Variants in UBAC2 observed in about 807,000 individuals in gnomAD.
UBAC2 encodes the protein UBA domain containing 2.
Under a neutral mutation model 44.0 loss-of-function variants are expected in UBAC2, and 26 were observed. That is an observed-to-expected ratio of 0.59 (90% CI 0.43 to 0.82). The LOEUF is 0.82. UBAC2 is among the 40% of genes least tolerant of loss of function. UBAC2 has a pLI of 0.00. For synonymous variants in UBAC2, 155 were observed against 154.3 expected (o/e 1.00, Z -0.04); for missense variants, 329 against 419.4 (o/e 0.78, Z 1.88).
At chr13:99,241,024 C>T (rs921155743) in intron 2 of UBAC2, among the ~76,000 whole-genome samples, 9 of 152,182 alleles carry the variant, frequency 5.9e-5, no homozygotes, top group African/African-American at 2.2e-4. Flanking sequence ...CCTTGGGAGG[C>T]CAACGTTTGT....
chr13:99,300,230 G>A (rs1344480192), intron 4 of UBAC2, among the ~76,000 whole-genome samples: 4 of 152,210 alleles, frequency 2.6e-5, no homozygotes, highest in Non-Finnish European at 4.4e-5. Context: ...CTTAACTGAC[G>A]ACCGTTGTGC....
At chr13:99,210,458 C>T (rs984313137) in intron 1 of UBAC2, among the ~76,000 whole-genome samples, 4 of 148,598 alleles carry the variant, frequency 2.7e-5, no homozygotes, top group Admixed American at 6.9e-5. Context: ...GTATATGCTC[C>T]GCTTTTTTCT....
chr13:99,335,501 T>C (rs1050707314), intron 6 of UBAC2, among the ~76,000 whole-genome samples: 5 of 152,198 alleles, frequency 3.3e-5, no homozygotes, highest in African/African-American at 7.2e-5. Context: ...AAAGACTGCT[T>C]TCTGTGATTC....
intron 6 of UBAC2, among the ~76,000 whole-genome samples, chr13:99,336,660 T>C (rs1002106705): frequency 1.6e-4 from 24 of 152,306 alleles, no homozygotes; most frequent in African/African-American, 5.8e-4. Flanking sequence ...TAACCCTAGA[T>C]AAAGACCACA....
At chr13:99,359,477 C>G (rs1185182054) in intron 7 of UBAC2, among the ~76,000 whole-genome samples, 5 of 152,072 alleles carry the variant, frequency 3.3e-5, no homozygotes, top group African/African-American at 4.8e-5. Flanking sequence ...GTAGGTCATC[C>G]CCTTTGTCAG....
At chr13:99,223,187 T>G (rs969763687) in intron 1 of UBAC2, among the ~76,000 whole-genome samples, 1 of 152,304 alleles carries the variant, frequency 6.6e-6, no homozygotes, top group Middle Eastern at 3.4e-3. Context: ...ATTTTAGTAG[T>G]GATAAGAAAT....
chr13:99,214,984 T>C (rs2042975185), intron 1 of UBAC2, among the ~76,000 whole-genome samples: 1 of 151,938 alleles, frequency 6.6e-6, no homozygotes, highest in Non-Finnish European at 1.5e-5. Context: ...TTCTTTTCTT[T>C]TTGTTTTTTT....
intron 5 of UBAC2, 60 bp downstream of exon 5, chr13:99,314,280 T>TTG (rs2044456635): frequency 1.4e-6 from 2 of 1,441,644 alleles, no homozygotes; most frequent in Non-Finnish European, 9.3e-7. Flanking sequence ...TTTTTTTTTT[T>TTG]GGTCTTTTTC....
intron 4 of UBAC2, among the ~76,000 whole-genome samples, chr13:99,266,212 C>T (rs11620194): frequency 0.16 from 23,771 of 151,080 alleles, 2,239 homozygotes; most frequent in Middle Eastern, 0.22. Flanking sequence ...TATTATATTA[C>T]ATAATACTAT....
At chr13:99,381,056 TGA>T (rs1487471444) in intron 8 of UBAC2, among the ~76,000 whole-genome samples, 6 of 152,384 alleles carry the variant, frequency 3.9e-5, no homozygotes, top group African/African-American at 1.2e-4. Flanking sequence ...CGTTCATGTC[TGA>T]GAGAATGAAC....
chr13:99,221,796 T>G (rs2043054867), intron 1 of UBAC2, among the ~76,000 whole-genome samples: 1 of 152,166 alleles, frequency 6.6e-6, no homozygotes, highest in Admixed American at 6.5e-5. Flanking sequence ...TACTTGACAG[T>G]GCCCTTCTTT....
At chr13:99,224,135 G>C (rs967977655) in intron 1 of UBAC2, among the ~76,000 whole-genome samples, 3 of 152,214 alleles carry the variant, frequency 2.0e-5, no homozygotes, top group Admixed American at 1.3e-4. Flanking sequence ...GAAGCTAGAA[G>C]TCCAAGCTCA....
chr13:99,208,655 A>G (rs1007392733), intron 1 of UBAC2, among the ~76,000 whole-genome samples: 1 of 152,172 alleles, frequency 6.6e-6, no homozygotes, highest in African/African-American at 2.4e-5. Context: ...GCGGTGTGAC[A>G]GGCTTCTGGT....
At chr13:99,268,824 C>T (rs1053310553) in intron 4 of UBAC2, among the ~76,000 whole-genome samples, 2 of 151,970 alleles carry the variant, frequency 1.3e-5, no homozygotes, top group Non-Finnish European at 2.9e-5. Context: ...AAGGATGTTG[C>T]TGGTGGTCCA....
At chr13:99,229,296 G>T (rs1355238580) in intron 1 of UBAC2, among the ~76,000 whole-genome samples, 3 of 152,356 alleles carry the variant, frequency 2.0e-5, no homozygotes, top group African/African-American at 7.2e-5. Context: ...TTTGAAGGCT[G>T]CATAAGATTT....
intron 4 of UBAC2, among the ~76,000 whole-genome samples, chr13:99,267,670 A>G (rs1340555861): frequency 6.6e-6 from 1 of 152,230 alleles, no homozygotes; most frequent in Non-Finnish European, 1.5e-5. Context: ...CTTTATTATT[A>G]TAGTCATTTG....
intron 4 of UBAC2, among the ~76,000 whole-genome samples, chr13:99,309,760 C>G (rs928090680): frequency 7.2e-5 from 11 of 152,172 alleles, no homozygotes; most frequent in African/African-American, 2.7e-4. Flanking sequence ...GCCACCACGC[C>G]CAGCTAATTT....
At chr13:99,238,690 T>C in intron 2 of UBAC2, 136 bp downstream of exon 2, 1 of 784,174 alleles carries the variant, frequency 1.3e-6, no homozygotes, top group South Asian at 4.4e-5. Flanking sequence ...AATATTTCAT[T>C]AAGTAACTTT....
chr13:99,221,637 A>T lies in UBAC2; in HGVS notation c.32-16790A>T, dbSNP rs59728258. Among the ~76,000 whole-genome samples, 393 of 151,890 alleles carry T rather than the reference A, an allele frequency of 2.6e-3. 10 individuals carry two copies. In the East Asian group the frequency reaches 0.07, roughly 27 times the overall value. On this transcript the variant is annotated intron_variant, in intron 1 of 8. Transcript: ENST00000403766. Reference sequence around the variant, plus strand: ...CCCATGGGGCTTCTTTTCTATGGCCACTCTAGACCATTGAGGATGGAAGCT... The same window carrying T: ...CCCATGGGGCTTCTTTTCTATGGCCTCTCTAGACCATTGAGGATGGAAGCT...
Sources: allele counts gnomAD v4.1 joint callset (sites outside exome capture counted in the v4.1 genomes callset), GRCh38; gene constraint gnomAD v4.1.1; transcripts MANE v1.5; gene names NCBI Gene and HGNC (gene_info 2026-07-23, HGNC 2026-07-21).